The following TRIP10 variants were observed in gnomAD, a reference collection of about 807,000 sequenced individuals.
TRIP10 encodes the protein thyroid hormone receptor interactor 10, also known as cdc42-interacting protein 4.
TRIP10 carries 54 observed loss-of-function variants against 80.9 expected under a neutral mutation model. The ratio of observed to expected loss-of-function variants is 0.67; its 90% confidence interval spans 0.54 to 0.84. The LOEUF is 0.84. Ranked by LOEUF, TRIP10 falls within the 40% of genes least tolerant of loss-of-function variation. The pLI, the probability that TRIP10 is intolerant of heterozygous loss-of-function variation, is 0.00. For missense variants in TRIP10, 773 were observed against 815.3 expected (o/e 0.95, Z 0.63); for synonymous variants, 321 against 307.2 (o/e 1.04, Z -0.47).
At position 6,744,902 on chromosome 19, in the gene TRIP10, A is replaced by T. The variant is rs763304765; in HGVS notation, c.892A>T (p.Ser298Cys). 1.2e-6 allele frequency: 2 copies of T among 1,614,222 alleles called. No individual in the cohort carries two copies. The highest frequency in any genetic ancestry group is 1.7e-6 in the Non-Finnish European group (2 of 1,180,050). Residue 298 changes from serine to cysteine, a missense_variant, in exon 9 of 15, where the codon AGC becomes TGC. Transcript: ENST00000313244. This position sits in a 1 kb window ranked among gnomAD's most constrained non-coding sequence, Gnocchi z 4.9. ...GCCCATGAACCGTGCACCCTCCGAC[A>T]GCAGTCTGGGCACCCCCTCGGATGG... is the stretch of plus-strand genomic sequence containing the variant. Reference protein sequence around the residue: ...SQPMNRAPSDSSLGTPSDGRP... With the variant: ...SQPMNRAPSDCSLGTPSDGRP...
chr19:6,750,904 G>A, intron 14 of TRIP10, 159 bp from the exon 15 acceptor site: 1 of 1,236,108 alleles, frequency 8.1e-7, no homozygotes, highest in Non-Finnish European at 1.1e-6. Context: ...GCTGAGGCAG[G>A]AGAATCCCTT....
rs1310163899 is a variant in TRIP10, at chr19:6,751,143, C to A, written c.1738C>A (p.Arg580=). Residue 580 remains arginine (R), a synonymous_variant, in exon 15 of 15, where the codon CGG becomes AGG. Transcript: ENST00000313244. The part of the protein sequence containing the change: ...MEEDKGDGWT[R]VRRKEGGEGY... Reference sequence around the variant, plus strand: ...AGAAGACAAAGGGGACGGCTGGACCCGGGTCAGGCGGAAAGAGGGAGGCGA... The same window carrying A: ...AGAAGACAAAGGGGACGGCTGGACCAGGGTCAGGCGGAAAGAGGGAGGCGA... The A allele has an allele frequency of 6.2e-7, 1 of 1,613,680 alleles. No individual in the cohort carries two copies. The highest frequency in any genetic ancestry group is 2.2e-5 in the East Asian group (1 of 44,860).
rs1568257549 is a variant in TRIP10 at position 6,750,932 on chromosome 19, T to C, written c.1658-131T>C. ...AATCCCTTGAACCTGGAGGCAGAGG[T>C]TGCAGGGAGCCAAGATCCGTGCCAC... On this transcript the variant is annotated intron_variant, in intron 14 of 14. Transcript: ENST00000313244. The C allele has an allele frequency of 6.0e-6, 8 of 1,335,780 alleles. No homozygotes were observed. The East Asian group carries it at 1.6e-4, about 27-fold the overall frequency. The allele number at this position is 1,335,780 out of a possible 1,614,324, so 82.7% of individuals were successfully genotyped here.
chr19:6,741,823 T>C (rs1372091093), intron 3 of TRIP10, among the ~76,000 whole-genome samples: 1 of 151,726 alleles, frequency 6.6e-6, no homozygotes, highest in African/African-American at 2.4e-5. Flanking sequence ...ATTGTAGTTG[T>C]TTTGTTTTGT....
Position 6,741,256 on chromosome 19 carries a change from C to A in TRIP10, c.172C>A (p.Pro58Thr), listed in dbSNP as rs1002920645. 1 of 1,611,464 alleles carries A rather than the reference C, an allele frequency of 6.2e-7. No homozygotes were observed. The highest frequency in any genetic ancestry group is 8.5e-7 in the Non-Finnish European group (1 of 1,178,724). Residue 58 changes from proline to threonine, a missense_variant, in exon 3 of 15, where the codon CCT becomes ACT. Coordinates refer to ENST00000313244, the MANE Select transcript of TRIP10 (RefSeq NM_001288962.2). ...SLVKKYLPKR[P>T]AKDDPESKFS... ...GGTGAAAAAATATCTGCCCAAGAGA[C>A]CTGCCAAGGATGATCCTGAGTCCAA...
chr19:6,750,862 G>A (rs1254018496), intron 14 of TRIP10, among the ~76,000 whole-genome samples: 1 of 152,174 alleles, frequency 6.6e-6, no homozygotes, highest in Non-Finnish European at 1.5e-5. Context: ...CAGGTGTGGT[G>A]GCGCACGCCT....
In TRIP10 at chr19:6,743,181, C is replaced by T. The variant is rs532942487; in HGVS notation, c.346-13C>T. On this transcript the variant is annotated splice_polypyrimidine_tract_variant and intron_variant, in intron 4 of 14. Transcript: ENST00000313244. ...TGGAACCCTGGCGAGCCTTATCACT[C>T]TTCTTTCTGTAGCACTTCCAAGAAG... The T allele has an allele frequency of 1.2e-5, 20 of 1,614,162 alleles. No individual in the cohort carries two copies. The East Asian group carries it at 1.6e-4, about 13-fold the overall frequency.
Position 6,745,146 on chromosome 19 carries a change from C to CAGGCA in TRIP10, c.984+152_984+153insAGGCA, listed in dbSNP as rs1555692908. ...CAGCCCGGACTGGAGGGAAGGAAGG[C>CAGGCA]GGCCGATTGGCCTGGGAGTCCCCCG... On this transcript the variant is annotated intron_variant, in intron 9 of 14. Transcript: ENST00000313244. The surrounding 1 kb of genome is among the most constrained non-coding windows in gnomAD (Gnocchi z 7.2). 4 of 1,122,192 alleles carry CAGGCA rather than the reference C, an allele frequency of 3.6e-6. No individual in the cohort carries two copies. The highest frequency in any genetic ancestry group is 2.7e-5 in the East Asian group (1 of 37,080). The allele number at this position is 1,122,192 out of a possible 1,614,324, so 69.5% of individuals were successfully genotyped here.
chr19:6,739,929 T>A, intron 1 of TRIP10, 144 bp downstream of exon 1: 1 of 1,043,928 alleles, frequency 9.6e-7, no homozygotes, highest in Non-Finnish European at 1.2e-6. Flanking sequence ...CCGCTCTCTC[T>A]CGAAGTTTAT....
chr19:6,744,454 TG>T lies in TRIP10; in HGVS notation c.643-96del. Reference sequence around the variant, plus strand: ...CTTCCCCTCCAGACTGGCTTGGGGCTGGGGCCAGCGTGGAGCGCGATCATAT... The same window carrying T: ...CTTCCCCTCCAGACTGGCTTGGGGCTGGGCCAGCGTGGAGCGCGATCATAT... On this transcript the variant is annotated intron_variant, in intron 7 of 14. Coordinates refer to ENST00000313244, the MANE Select transcript of TRIP10 (RefSeq NM_001288962.2). This position sits in a 1 kb window ranked among gnomAD's most constrained non-coding sequence, Gnocchi z 4.9. 1 of 1,532,508 alleles carries T rather than the reference TG, an allele frequency of 6.5e-7. No individual in the cohort carries two copies. The highest frequency in any genetic ancestry group is 8.9e-7 in the Non-Finnish European group (1 of 1,129,638). 94.9% of individuals were successfully genotyped at this position (1,532,508 alleles called of 1,614,324 possible).
In TRIP10 at chr19:6,743,037, G is replaced by A. The variant is rs147177089; in HGVS notation, c.268G>A (p.Val90Met). ...VNDFAGQRELVAENLSVRVCL... is the reference protein window; with the variant it reads ...VNDFAGQRELMAENLSVRVCL... ...TGACTTTGCAGGCCAGCGGGAGCTG[G>A]TGGCTGAGAACCTCAGTGTCCGTGT... is the stretch of plus-strand genomic sequence containing the variant. Residue 90 changes from valine (V) to methionine (M), a missense_variant, in exon 4 of 15, where the codon GTG becomes ATG. Coordinates refer to ENST00000313244, the MANE Select transcript of TRIP10 (RefSeq NM_001288962.2). 4.3e-6 allele frequency: 7 copies of A among 1,614,170 alleles called. No individual in the cohort carries two copies. In the South Asian group the frequency reaches 7.7e-5, roughly 18 times the overall value.
chr19:6,751,473 T>A lies in TRIP10; in HGVS notation c.*262T>A. 3.6e-6 allele frequency: 3 copies of A among 838,336 alleles called. No individual in the cohort carries two copies. Among genetic ancestry groups the A allele is most frequent in the Non-Finnish European group, 1.6e-6 (1 of 613,806 alleles). 51.9% of individuals were successfully genotyped at this position (838,336 alleles called of 1,614,324 possible). Reference sequence around the variant, plus strand: ...GCTCGGCTCCGGCCATTTTGTTTTATACAAAAATGGGAAAAAAAAAAAAGA... The same window carrying A: ...GCTCGGCTCCGGCCATTTTGTTTTAAACAAAAATGGGAAAAAAAAAAAAGA... On this transcript the variant is annotated 3_prime_UTR_variant, in exon 15 of 15. Coordinates refer to ENST00000313244, the MANE Select transcript of TRIP10 (RefSeq NM_001288962.2).
chr19:6,739,828 T>C, intron 1 of TRIP10, 43 bp downstream of exon 1: 1 of 1,421,086 alleles, frequency 7.0e-7, no homozygotes, highest in Non-Finnish European at 9.3e-7. Context: ...TTTGCTGGGG[T>C]CCAGGCACCC....
Position 6,745,175 on chromosome 19 carries a change from C to A in TRIP10, c.984+181C>A. 1.2e-6 allele frequency: 1 copy of A among 829,466 alleles called. No individual in the cohort carries two copies. 51.4% of individuals were successfully genotyped at this position (829,466 alleles called of 1,614,324 possible). A position where few individuals can be genotyped will look rare whatever the true frequency, so the allele number is the denominator to read the frequency against. The stretch of plus-strand genomic sequence containing the variant: ...CGATTGGCCTGGGAGTCCCCCGAGG[C>A]GAAGGCGGGGGCAGGGTGGGGAGGT... On this transcript the variant is annotated intron_variant, in intron 9 of 14. Coordinates refer to ENST00000313244, the MANE Select transcript of TRIP10 (RefSeq NM_001288962.2). This position sits in a 1 kb window ranked among gnomAD's most constrained non-coding sequence, Gnocchi z 7.2.
In TRIP10 at chr19:6,746,346, T is replaced by C. The variant is rs1362484052; in HGVS notation, c.1153-106T>C. The C allele has an allele frequency of 7.1e-6, 11 of 1,546,580 alleles. No individual in the cohort carries two copies. In the East Asian group the frequency reaches 2.5e-4, roughly 36 times the overall value. ...TGCTTTGCTCTGTGCATGGCTTCGC[T>C]GTCAAGAACCATGGCTGGGGAAGGG... On this transcript the variant is annotated intron_variant, in intron 10 of 14. Coordinates refer to ENST00000313244, the MANE Select transcript of TRIP10 (RefSeq NM_001288962.2). The surrounding 1 kb of genome is among the most constrained non-coding windows in gnomAD (Gnocchi z 6.2).
chr19:6,742,104 A>AG (rs1198340569), intron 3 of TRIP10, among the ~76,000 whole-genome samples: 1 of 150,968 alleles, frequency 6.6e-6, no homozygotes, highest in African/African-American at 2.4e-5. Flanking sequence ...TTAAAAAAAA[A>AG]AATAGGGTTG....
chr19:6,743,652 G>A (rs1324972785), intron 6 of TRIP10, 54 bp downstream of exon 6: 1 of 1,611,470 alleles, frequency 6.2e-7, no homozygotes, highest in East Asian at 2.2e-5. Context: ...AGCTTGGGGA[G>A]TCCGAGTGGG....
rs1340701558 is a variant in TRIP10 at position 6,741,297 on chromosome 19, G to A, written c.197+16G>A. 1.2e-6 allele frequency: 2 copies of A among 1,600,512 alleles called. No homozygotes were observed. The highest frequency in any genetic ancestry group is 3.5e-5 in the Admixed American group (2 of 57,084). On this transcript the variant is annotated intron_variant, in intron 3 of 14. Transcript: ENST00000313244. Reference sequence around the variant, plus strand: ...CTGAGTCCAAGTAAGGTTGGAGAGGGGCTGCAGGGCTAGATTTGTGGGGAA... The same window carrying A: ...CTGAGTCCAAGTAAGGTTGGAGAGGAGCTGCAGGGCTAGATTTGTGGGGAA...
intron 1 of TRIP10, among the ~76,000 whole-genome samples, 164 bp downstream of exon 1, chr19:6,739,949 T>C (rs1686818786): frequency 6.6e-6 from 1 of 152,106 alleles, no homozygotes; most frequent in African/African-American, 2.4e-5. Flanking sequence ...TCTGGGAGTC[T>C]CAGCACGCTC....
Sources: allele counts gnomAD v4.1 joint callset (sites outside exome capture counted in the v4.1 genomes callset), GRCh38; gene constraint gnomAD v4.1.1; non-coding constraint Gnocchi (gnomAD v3.1); transcripts MANE v1.5; gene names NCBI Gene and HGNC (gene_info 2026-07-23, HGNC 2026-07-21).